The following ETV5 variants were observed in gnomAD, a reference collection of about 807,000 sequenced individuals.
The protein encoded by ETV5 is ETS variant transcription factor 5.
A neutral mutation model predicts 70.0 loss-of-function variants in ETV5; 10 were observed. The ratio of observed to expected loss-of-function variants is 0.14; its 90% CI spans 0.09 to 0.24. The LOEUF (loss-of-function observed/expected upper bound fraction) is 0.24, where lower values mean the gene tolerates loss of function less well. ETV5 is among the 10% of genes least tolerant of loss of function. The pLI is 1.00. For missense variants in ETV5, 453 were observed against 651.2 expected (o/e 0.70, Z 3.31); for synonymous variants, 216 against 242.2 (o/e 0.89, Z 1.01).
chr3:186,094,068 C>T (rs1243228335), intron 5 of ETV5, among the ~76,000 whole-genome samples: 2 of 152,178 alleles, frequency 1.3e-5, no homozygotes, highest in Non-Finnish European at 2.9e-5. Context: ...GGAGGGCTGG[C>T]TTTTGGGATA....
At chr3:186,053,129 T>C (rs1413094854) in intron 11 of ETV5, among the ~76,000 whole-genome samples, 1 of 151,960 alleles carries the variant, frequency 6.6e-6, no homozygotes, top group Non-Finnish European at 1.5e-5. Flanking sequence ...TGAGATGGAG[T>C]CTCACTCTGT....
chr3:186,107,355 G>A (rs2108447322), intron 1 of ETV5, among the ~76,000 whole-genome samples: 1 of 152,304 alleles, frequency 6.6e-6, no homozygotes, highest in East Asian at 1.9e-4. Context: ...GGGCATGAAA[G>A]AGAGAGTGCT....
intron 5 of ETV5, among the ~76,000 whole-genome samples, chr3:186,101,461 A>AC (rs569222688): frequency 6.6e-6 from 1 of 151,920 alleles, no homozygotes; most frequent in Non-Finnish European, 1.5e-5. Context: ...GTTTTTTATA[A>AC]TTTTTTTCTT....
At chr3:186,104,742 C>CTT (rs869046424) in intron 5 of ETV5, among the ~76,000 whole-genome samples, 4,521 of 136,748 alleles carry the variant, frequency 0.033, 256 homozygotes, top group African/African-American at 0.11. Flanking sequence ...TTGCAATATT[C>CTT]TTTTTTTTTT....
intron 5 of ETV5, among the ~76,000 whole-genome samples, chr3:186,090,631 A>G (rs1194437714): frequency 1.3e-5 from 2 of 152,216 alleles, no homozygotes; most frequent in Non-Finnish European, 2.9e-5. Context: ...GGTTGTCCAG[A>G]ACAGCTGGAC....
At chr3:186,062,235 G>T (rs2150143726) in intron 9 of ETV5, among the ~76,000 whole-genome samples, 1 of 152,346 alleles carries the variant, frequency 6.6e-6, no homozygotes, top group East Asian at 1.9e-4. Flanking sequence ...TATGGAAGGA[G>T]ATGAAGAGTA....
intron 5 of ETV5, among the ~76,000 whole-genome samples, chr3:186,088,746 A>G (rs1253622873): frequency 6.6e-6 from 1 of 152,140 alleles, no homozygotes; most frequent in Non-Finnish European, 1.5e-5. Flanking sequence ...TTTTTCCCTG[A>G]TTTGCCCTTA....
At chr3:186,104,154 A>G (rs75309269) in intron 5 of ETV5, among the ~76,000 whole-genome samples, 3,286 of 152,320 alleles carry the variant, frequency 0.022, 124 homozygotes, top group African/African-American at 0.073. Flanking sequence ...CATTTTCTCC[A>G]GGCCTCTCTT....
Position 186,052,027 on chromosome 3 carries a change from C to A in ETV5, c.1311+3G>T. Reference sequence around the variant, plus strand: ...GGGCTAAGGGTCTTGTATAATGGCTCACCTTCTGCATGATGCCCTTTTCAT... The same window carrying A: ...GGGCTAAGGGTCTTGTATAATGGCTAACCTTCTGCATGATGCCCTTTTCAT... On this transcript the variant is annotated splice_donor_region_variant and intron_variant, in intron 12 of 12. Coordinates refer to ENST00000306376, the MANE Select transcript of ETV5 (RefSeq NM_004454.3). This position sits in a 1 kb window ranked among gnomAD's most constrained non-coding sequence, Gnocchi z 4.5. 3 of 1,613,484 alleles carry A rather than the reference C, an allele frequency of 1.9e-6. No individual in the cohort carries two copies. The highest frequency in any genetic ancestry group is 2.5e-6 in the Non-Finnish European group (3 of 1,179,570).
intron 9 of ETV5, among the ~76,000 whole-genome samples, chr3:186,062,827 C>T (rs892243312): frequency 3.9e-5 from 6 of 152,126 alleles, no homozygotes; most frequent in African/African-American, 1.4e-4. Context: ...TACATATGCA[C>T]AGCAAAGATT....
chr3:186,085,498 G>C (rs538306668), intron 5 of ETV5, among the ~76,000 whole-genome samples: 2 of 147,400 alleles, frequency 1.4e-5, no homozygotes, highest in African/African-American at 5.1e-5. Context: ...TCTGACTCCA[G>C]TAGCCTTCGT....
intron 5 of ETV5, among the ~76,000 whole-genome samples, chr3:186,090,290 G>A (rs529253418): frequency 2.6e-5 from 4 of 152,162 alleles, no homozygotes; most frequent in Admixed American, 6.5e-5. Context: ...TAATGTCTAC[G>A]CCAGTGGTTC....
intron 1 of ETV5, among the ~76,000 whole-genome samples, chr3:186,107,839 CAAAACAAG>C (rs1714628110): frequency 6.6e-6 from 1 of 152,048 alleles, no homozygotes; most frequent in Non-Finnish European, 1.5e-5. Flanking sequence ...GCCCCATTCA[CAAAACAAG>C]ACACACTTCC....
rs1712911499 is a variant in ETV5 at position 186,047,608 on chromosome 3, A to C, written c.*1031T>G. Reference sequence around the variant, plus strand: ...TGCCCTGCACACTTCAAAAATGTACAACTCAGGTGCAAATGTTCCATCAGG... The same window carrying C: ...TGCCCTGCACACTTCAAAAATGTACCACTCAGGTGCAAATGTTCCATCAGG... On this transcript the variant is annotated 3_prime_UTR_variant, in exon 13 of 13. Coordinates refer to ENST00000306376, the MANE Select transcript of ETV5 (RefSeq NM_004454.3). 8.6e-6 allele frequency: 2 copies of C among 232,592 alleles called. No homozygotes were observed. The highest frequency in any genetic ancestry group is 1.2e-4 in the East Asian group (2 of 16,460). The allele number at this position is 232,592 out of a possible 1,614,324, so 14.4% of individuals were successfully genotyped here.
intron 5 of ETV5, among the ~76,000 whole-genome samples, chr3:186,099,932 G>A (rs1361382076): frequency 6.6e-6 from 1 of 152,186 alleles, no homozygotes; most frequent in Non-Finnish European, 1.5e-5. Flanking sequence ...CAGAGACACA[G>A]AAGGGTAAGA....
At chr3:186,055,858 T>A (rs1298948839) in intron 11 of ETV5, among the ~76,000 whole-genome samples, 1 of 152,192 alleles carries the variant, frequency 6.6e-6, no homozygotes, top group Non-Finnish European at 1.5e-5. Context: ...TTCAAATGCT[T>A]TCTAAGAGTG....
Position 186,048,330 on chromosome 3 carries a change from G to C in ETV5, c.*309C>G. On this transcript the variant is annotated 3_prime_UTR_variant, in exon 13 of 13. Coordinates refer to ENST00000306376, the MANE Select transcript of ETV5 (RefSeq NM_004454.3). The stretch of plus-strand genomic sequence containing the variant: ...TGTCCCGTTTTGCGGGTACTAACCT[G>C]AACAAGATATTGCTTTGCATGTATT... The C allele has an allele frequency of 2.3e-6, 1 of 435,376 alleles. No individual in the cohort carries two copies. The highest frequency in any genetic ancestry group is 2.6e-5 in the South Asian group (1 of 37,962). 27.0% of individuals were successfully genotyped at this position (435,376 alleles called of 1,614,324 possible).
At chr3:186,095,971 G>A (rs536139276) in intron 5 of ETV5, among the ~76,000 whole-genome samples, 3 of 152,334 alleles carry the variant, frequency 2.0e-5, no homozygotes, top group African/African-American at 7.2e-5. Flanking sequence ...ACATAAACAC[G>A]TGACAGGGCT....
chr3:186,072,225 C>CA lies in ETV5; in HGVS notation c.651-6154dup, dbSNP rs780333117. Among the ~76,000 whole-genome samples, 4 of 151,614 alleles carry CA rather than the reference C, an allele frequency of 2.6e-5. No homozygotes were observed. The East Asian group carries it at 7.9e-4, about 30-fold the overall frequency. On this transcript the variant is annotated intron_variant, in intron 7 of 12. Transcript: ENST00000306376. ...GTGAAACCTGTCTCTATTAAAAACA[C>CA]AAAAAAATTAGCCAGGTGCAGTGTC...
Sources: gnomAD v4.1 joint callset for allele counts (sites outside exome capture counted in the v4.1 genomes callset) on GRCh38, gnomAD v4.1.1 for gene constraint, Gnocchi (gnomAD v3.1) non-coding constraint, MANE v1.5 for transcripts, NCBI Gene and HGNC (gene_info 2026-07-23, HGNC 2026-07-21) for gene names.